AFF3: variants seen among roughly 807,000 people sequenced by gnomAD.
AFF3 encodes AF4/FMR2 family member 3.
AFF3 carries 32 observed loss-of-function variants against 129.7 expected under a neutral mutation model. That is an observed-to-expected ratio of 0.25 (90% confidence interval 0.19 to 0.33). AFF3 has a LOEUF of 0.33. AFF3 is among the 10% of genes least tolerant of loss of function. The probability of loss-of-function intolerance (pLI) is 1.00; values close to 1 mark genes in which losing one functional copy is unlikely to be tolerated. For missense variants in AFF3, 1,373 were observed against 1,592.0 expected (o/e 0.86, Z 2.34); for synonymous variants, 644 against 635.4 (o/e 1.01, Z -0.20).
intron 4 of AFF3, among the ~76,000 whole-genome samples, chr2:100,060,006 T>C (rs1376062639): frequency 2.0e-5 from 3 of 152,192 alleles, no homozygotes; most frequent in Non-Finnish European, 4.4e-5. Flanking sequence ...TGTATCCTTC[T>C]GATCCACTCG....
intron 7 of AFF3, among the ~76,000 whole-genome samples, chr2:99,852,000 C>G (rs948424167): frequency 6.6e-6 from 1 of 152,188 alleles, no homozygotes; most frequent in South Asian, 2.1e-4. Context: ...CAGCAATGAT[C>G]AAGGGTAAAC....
chr2:99,714,445 C>T (rs950584329), intron 11 of AFF3, among the ~76,000 whole-genome samples: 6 of 152,112 alleles, frequency 3.9e-5, no homozygotes, highest in African/African-American at 1.4e-4. Context: ...ATCTGGCCAA[C>T]TTTCTCTAGA....
chr2:99,736,281 T>C (rs922695284), intron 10 of AFF3, among the ~76,000 whole-genome samples: 4 of 152,242 alleles, frequency 2.6e-5, no homozygotes, highest in African/African-American at 9.6e-5. Context: ...AATTTGAAGC[T>C]TTGCTATTTG....
At chr2:99,956,179 AC>A (rs1676627941) in intron 7 of AFF3, among the ~76,000 whole-genome samples, 1 of 151,458 alleles carries the variant, frequency 6.6e-6, no homozygotes, top group African/African-American at 2.4e-5. Context: ...GTCCAAAGAT[AC>A]CCCTGGCACA....
chr2:99,664,480 T>A (rs1686507742), intron 12 of AFF3, among the ~76,000 whole-genome samples: 1 of 152,246 alleles, frequency 6.6e-6, no homozygotes, highest in Non-Finnish European at 1.5e-5. Flanking sequence ...GATGTAAGCA[T>A]CCTTAAGAAG....
intron 4 of AFF3, among the ~76,000 whole-genome samples, chr2:100,062,592 C>T (rs372154547): frequency 2.0e-5 from 3 of 152,048 alleles, no homozygotes; most frequent in East Asian, 1.9e-4. Flanking sequence ...ACTAAAATTC[C>T]GGGGTTACAT....
intron 4 of AFF3, among the ~76,000 whole-genome samples, chr2:100,010,941 CA>C (rs1682469047): frequency 6.6e-6 from 1 of 152,164 alleles, no homozygotes; most frequent in Non-Finnish European, 1.5e-5. Context: ...TTTCATTATG[CA>C]CTTCTAGCTT....
intron 10 of AFF3, among the ~76,000 whole-genome samples, chr2:99,732,484 G>A (rs1008478210): frequency 4.4e-4 from 67 of 150,924 alleles, no homozygotes; most frequent in Non-Finnish European, 8.2e-4. Context: ...AACTTCATAC[G>A]ACTCTAATCA....
intron 4 of AFF3, among the ~76,000 whole-genome samples, chr2:100,095,513 G>A (rs1170701964): frequency 1.3e-5 from 2 of 152,180 alleles, no homozygotes; most frequent in South Asian, 2.1e-4. Context: ...ACGAGTTCAC[G>A]TGTCTCAAGA....
intron 7 of AFF3, among the ~76,000 whole-genome samples, chr2:99,867,595 A>C (rs1691524036): frequency 6.7e-6 from 1 of 148,936 alleles, no homozygotes; most frequent in African/African-American, 2.5e-5. Flanking sequence ...AAAAAAAAAC[A>C]TAGCTGGCAG....
At chr2:99,744,423 A>T (rs1301519374) in intron 9 of AFF3, among the ~76,000 whole-genome samples, 2 of 152,204 alleles carry the variant, frequency 1.3e-5, no homozygotes, top group East Asian at 3.9e-4. Context: ...AAAGTGAACA[A>T]TTCAGTGGCA....
Position 99,888,017 on chromosome 2 carries a change from A to C in AFF3, c.874-50493T>G, listed in dbSNP as rs190546815. Among the ~76,000 whole-genome samples, 344 of 152,356 alleles carry C rather than the reference A, an allele frequency of 2.3e-3. 1 individual carries two copies. Among genetic ancestry groups the C allele is most frequent in the Non-Finnish European group, 3.0e-3 (206 of 68,032 alleles). ...CTCTCTGCACTCACTATTTGTAATC[A>C]AAATCAGCAAGTGTTATATTAATAA... On this transcript the variant is annotated intron_variant, in intron 7 of 24. Transcript: ENST00000672756.
chr2:100,134,199 G>T (rs1183536844), intron 1 of AFF3, among the ~76,000 whole-genome samples: 1 of 151,902 alleles, frequency 6.6e-6, no homozygotes, highest in Non-Finnish European at 1.5e-5. Context: ...CTACTACAGG[G>T]GATTACCCAC....
chr2:100,085,878 A>G (rs1405839068), intron 4 of AFF3, among the ~76,000 whole-genome samples: 1 of 151,574 alleles, frequency 6.6e-6, no homozygotes, highest in African/African-American at 2.4e-5. Flanking sequence ...TTATGCATAG[A>G]AGGAGCTCAA....
intron 7 of AFF3, among the ~76,000 whole-genome samples, chr2:99,974,800 T>C (rs1038876096): frequency 2.0e-5 from 3 of 152,218 alleles, no homozygotes; most frequent in Non-Finnish European, 2.9e-5. Flanking sequence ...TGGAGTCCCT[T>C]CTCCCAGTGC....
At chr2:99,987,001 C>G (rs768566170) in intron 7 of AFF3, among the ~76,000 whole-genome samples, 1 of 152,216 alleles carries the variant, frequency 6.6e-6, no homozygotes, top group East Asian at 1.9e-4. Flanking sequence ...CTTTGGTGAA[C>G]GAAAAGGCCG....
intron 8 of AFF3, among the ~76,000 whole-genome samples, chr2:99,784,416 G>T (rs1034346679): frequency 6.6e-6 from 1 of 152,206 alleles, no homozygotes; most frequent in Non-Finnish European, 1.5e-5. Context: ...GTCTCGCAAA[G>T]GGAATGTGCT....
intron 4 of AFF3, among the ~76,000 whole-genome samples, chr2:100,027,267 A>C (rs1684123973): frequency 6.6e-6 from 1 of 152,188 alleles, no homozygotes; most frequent in East Asian, 1.9e-4. Flanking sequence ...GATAGCACCT[A>C]ATTTGCATCT....
chr2:99,919,154 G>T (rs572979274), intron 7 of AFF3, among the ~76,000 whole-genome samples: 82 of 152,160 alleles, frequency 5.4e-4, no homozygotes, highest in African/African-American at 1.9e-3. Context: ...CCTCATAAAA[G>T]ACATGGATGA....
Sources: gnomAD v4.1 joint callset for allele counts (sites outside exome capture counted in the v4.1 genomes callset) on GRCh38, gnomAD v4.1.1 for gene constraint, MANE v1.5 for transcripts, NCBI Gene and HGNC (gene_info 2026-07-23, HGNC 2026-07-21) for gene names.